Variants in CLTC observed in about 807,000 individuals in gnomAD.
CLTC encodes clathrin heavy chain 1.
Under a neutral mutation model 195.8 loss-of-function variants are expected in CLTC, and 16 were observed. The ratio of observed to expected loss-of-function variants is 0.08; its 90% CI spans 0.06 to 0.12. The LOEUF (loss-of-function observed/expected upper bound fraction) is 0.12, where lower values mean the gene tolerates loss of function less well. Among genes scored for constraint, CLTC ranks in the 10% least tolerant of loss-of-function variants. The probability of loss-of-function intolerance (pLI) is 1.00; values close to 1 mark genes in which losing one functional copy is unlikely to be tolerated. For synonymous variants in CLTC, 667 were observed against 689.4 expected (o/e 0.97, Z 0.51); for missense variants, 796 against 2,027.0 (o/e 0.39, Z 11.66).
At position 59,685,019 on chromosome 17, in the gene CLTC, T is replaced by C; in HGVS notation, c.4435-37T>C. On this transcript the variant is annotated intron_variant, in intron 28 of 31. Transcript: ENST00000269122. This position sits in a 1 kb window ranked among gnomAD's most constrained non-coding sequence, Gnocchi z 5.0. Reference sequence around the variant, plus strand: ...GAACGGAATATAATGTTAAACAAAATACTGATCTGGCATTTGGATGGCTTT... The same window carrying C: ...GAACGGAATATAATGTTAAACAAAACACTGATCTGGCATTTGGATGGCTTT... 1.4e-6 allele frequency: 2 copies of C among 1,465,330 alleles called. No individual in the cohort carries two copies. Among genetic ancestry groups the C allele is most frequent in the Non-Finnish European group, 1.8e-6 (2 of 1,095,640 alleles). 90.8% of individuals were successfully genotyped at this position (1,465,330 alleles called of 1,614,324 possible).
rs1355364739 is a variant in CLTC, at chr17:59,681,357, A to G, written c.3128A>G (p.Tyr1043Cys). ...GCTGACCGTACACGTGTTATGGAGTATATTAACCGCCTGGATAATTATGAT... is the reference window on the plus strand; with the variant it reads ...GCTGACCGTACACGTGTTATGGAGTGTATTAACCGCCTGGATAATTATGAT... Reference protein sequence around the residue: ...IKADRTRVMEYINRLDNYDAP... With the variant: ...IKADRTRVMECINRLDNYDAP... Residue 1043 changes from tyrosine (Y) to cysteine (C), a missense_variant, in exon 20 of 32, where the codon TAT (tyrosine) becomes TGT (cysteine). Around this residue, in one of 9 missense-constraint regions of CLTC, gnomAD observed 160 missense variants for 448.2 expected, o/e 0.36. Transcript: ENST00000269122. This position sits in a 1 kb window ranked among gnomAD's most constrained non-coding sequence, Gnocchi z 5.0. 1 of 1,614,090 alleles carries G rather than the reference A, an allele frequency of 6.2e-7. No homozygotes were observed. The highest frequency in any genetic ancestry group is 8.5e-7 in the Non-Finnish European group (1 of 1,179,956).
At chr17:59,627,044 G>A (rs1050812498) in intron 1 of CLTC, among the ~76,000 whole-genome samples, 12 of 146,520 alleles carry the variant, frequency 8.2e-5, no homozygotes, top group Admixed American at 1.4e-4. Flanking sequence ...GACTACAGGC[G>A]TGCGCCACCA....
Position 59,666,043 on chromosome 17 carries a change from T to C in CLTC, c.1645-60T>C. ...AGGTAAAGAAAGAGTTCATGCATAA[T>C]TTTGTCTACATACTCTCCATAGTAT... On this transcript the variant is annotated intron_variant, in intron 10 of 31. Coordinates refer to ENST00000269122, the MANE Select transcript of CLTC (RefSeq NM_004859.4). The surrounding 1 kb of genome is among the most constrained non-coding windows in gnomAD (Gnocchi z 4.9). The C allele has an allele frequency of 7.8e-7, 1 of 1,279,952 alleles. No individual in the cohort carries two copies. The highest frequency in any genetic ancestry group is 2.3e-5 in the East Asian group (1 of 42,554). The allele number at this position is 1,279,952 out of a possible 1,614,324, so 79.3% of individuals were successfully genotyped here.
In CLTC at chr17:59,696,694, C is replaced by G. The variant is rs577803485; in HGVS notation, c.*2842C>G. 1 of 207,944 alleles carries G rather than the reference C, an allele frequency of 4.8e-6. No homozygotes were observed. Among genetic ancestry groups the G allele is most frequent in the African/African-American group, 2.3e-5 (1 of 44,036 alleles). 12.9% of individuals were successfully genotyped at this position (207,944 alleles called of 1,614,324 possible). A position where few individuals can be genotyped will look rare whatever the true frequency, so the allele number is the denominator to read the frequency against. On this transcript the variant is annotated 3_prime_UTR_variant, in exon 32 of 32. Transcript: ENST00000269122. ...GCACCCTTAATTGTCAAAGTTAGTT[C>G]TAGGAAAAAATACTAGCAGGGATGA... is the stretch of plus-strand genomic sequence containing the variant.
intron 28 of CLTC, 125 bp from the exon 29 acceptor site, chr17:59,684,931 C>T: frequency 1.5e-6 from 1 of 666,046 alleles, no homozygotes; most frequent in South Asian, 4.0e-5. Context: ...AAAAATCATA[C>T]CTTTTGATGC....
intron 30 of CLTC, chr17:59,686,907 T>G (rs907782431): frequency 2.7e-6 from 2 of 735,604 alleles, no homozygotes; most frequent in African/African-American, 3.8e-5. Flanking sequence ...GGTTAGATGT[T>G]TCTTCCCTAA....
chr17:59,686,455 T>C (rs1006903269), intron 30 of CLTC, among the ~76,000 whole-genome samples: 1 of 152,118 alleles, frequency 6.6e-6, no homozygotes, highest in African/African-American at 2.4e-5. Context: ...ATCCTTTTCG[T>C]CAAAGCAAAA....
chr17:59,660,722 T>G, intron 7 of CLTC, 134 bp downstream of exon 7: 1 of 864,702 alleles, frequency 1.2e-6, no homozygotes, highest in Middle Eastern at 2.5e-4. Flanking sequence ...CATTTTCCTT[T>G]AGTAGAATTC....
chr17:59,660,713 A>G (rs974382016), intron 7 of CLTC, 125 bp downstream of exon 7: 11 of 922,346 alleles, frequency 1.2e-5, no homozygotes, highest in African/African-American at 6.6e-5. Flanking sequence ...TTTGGGTTAC[A>G]TTTTCCTTTA....
intron 1 of CLTC, among the ~76,000 whole-genome samples, chr17:59,639,069 C>A (rs1209938918): frequency 6.6e-6 from 1 of 152,104 alleles, no homozygotes; most frequent in Non-Finnish European, 1.5e-5. Flanking sequence ...AAAGTAGTGC[C>A]ACTTGCAGAC....
intron 1 of CLTC, among the ~76,000 whole-genome samples, chr17:59,638,340 A>G (rs1428804915): frequency 6.6e-6 from 1 of 152,130 alleles, no homozygotes; most frequent in East Asian, 1.9e-4. Context: ...TGTCTCTTAA[A>G]AAAAAACAGA....
chr17:59,677,437 C>T (rs1273647096), intron 17 of CLTC, among the ~76,000 whole-genome samples: 1 of 152,154 alleles, frequency 6.6e-6, no homozygotes, highest in African/African-American at 2.4e-5. Context: ...CACACTCTTA[C>T]ACTCAGGCAC....
intron 6 of CLTC, 61 bp downstream of exon 6, chr17:59,656,088 C>T: frequency 1.4e-6 from 2 of 1,408,372 alleles, no homozygotes; most frequent in Non-Finnish European, 1.9e-6. Flanking sequence ...GGGAACAATC[C>T]TGTCCTTTTG....
rs914622843 is a variant in CLTC at position 59,645,486 on chromosome 17, A to G, written c.250+1003A>G. 2.6e-5 allele frequency among the ~76,000 whole-genome samples: 4 copies of G among 152,302 alleles called. No individual in the cohort carries two copies. The East Asian group carries it at 7.7e-4, about 29-fold the overall frequency. ...GAGACTAATTGACCCTTTAAAACAGATGTTTTTAAGAGGGCTCGGTGACAA... is the reference window on the plus strand; with the variant it reads ...GAGACTAATTGACCCTTTAAAACAGGTGTTTTTAAGAGGGCTCGGTGACAA... On this transcript the variant is annotated intron_variant, in intron 2 of 31. Coordinates refer to ENST00000269122, the MANE Select transcript of CLTC (RefSeq NM_004859.4).
At chr17:59,680,242 A>G (rs1416702377) in intron 18 of CLTC, among the ~76,000 whole-genome samples, 1 of 152,162 alleles carries the variant, frequency 6.6e-6, no homozygotes, top group Admixed American at 6.5e-5. Context: ...AGGATAAGAG[A>G]AAATACAAAA....
chr17:59,651,452 T>C (rs2032325105), intron 5 of CLTC, 136 bp downstream of exon 5: 2 of 657,386 alleles, frequency 3.0e-6, no homozygotes, highest in South Asian at 3.9e-5. Flanking sequence ...TGAAGCTTTG[T>C]AAAATAATAC....
rs766317685 is a variant in CLTC at position 59,685,223 on chromosome 17, C to T, written c.4602C>T (p.Tyr1534=). The change falls in exon 29 of 32, where the codon TAC becomes TAT. Residue 1534 remains tyrosine, a synonymous_variant. Coordinates refer to ENST00000269122, the MANE Select transcript of CLTC (RefSeq NM_004859.4). The surrounding 1 kb of genome is among the most constrained non-coding windows in gnomAD (Gnocchi z 5.0). The part of the protein sequence containing the change: ...SVELCKKDSL[Y]KDAMQYASES... ...AGCTGTGCAAGAAAGACAGCCTTTA[C>T]AAGGTTGATAAAGTTGCGGGGCAGG... 1 of 1,555,700 alleles carries T rather than the reference C, an allele frequency of 6.4e-7. No homozygotes were observed. The highest frequency in any genetic ancestry group is 1.2e-5 in the South Asian group (1 of 81,732).
chr17:59,620,013 G>A lies in CLTC; in HGVS notation c.-119G>A. ...CCTGCCAGTTTCCTGCGTCCCCGGA[G>A]AGGATCCTGCTGAGCCCAGCCTCCC... On this transcript the variant is annotated 5_prime_UTR_variant, in exon 1 of 32. Transcript: ENST00000269122. 1 of 839,654 alleles carries A rather than the reference G, an allele frequency of 1.2e-6. No individual in the cohort carries two copies. Among genetic ancestry groups the A allele is most frequent in the East Asian group, 2.7e-5 (1 of 37,076 alleles). 52.0% of individuals were successfully genotyped at this position (839,654 alleles called of 1,614,324 possible). A position where few individuals can be genotyped will look rare whatever the true frequency, so the allele number is the denominator to read the frequency against.
intron 30 of CLTC, among the ~76,000 whole-genome samples, chr17:59,688,160 C>T (rs748723244): frequency 6.6e-5 from 10 of 152,196 alleles, no homozygotes; most frequent in Non-Finnish European, 1.5e-4. Context: ...GCATGTACAA[C>T]AGTCATTGCA....
Sources: gnomAD v4.1 joint callset for allele counts (sites outside exome capture counted in the v4.1 genomes callset) on GRCh38, gnomAD v4.1.1 for gene constraint, gnomAD v4.1.1 regional missense constraint, Gnocchi (gnomAD v3.1) non-coding constraint, MANE v1.5 for transcripts, NCBI Gene and HGNC (gene_info 2026-07-23, HGNC 2026-07-21) for gene names.